Variants in DCLK2 observed in about 807,000 individuals in gnomAD.
DCLK2 encodes the protein doublecortin like kinase 2.
A neutral mutation model predicts 78.4 loss-of-function variants in DCLK2; 31 were observed. The ratio of observed to expected loss-of-function variants is 0.40; its 90% confidence interval spans 0.30 to 0.53. The LOEUF (loss-of-function observed/expected upper bound fraction) is 0.53, where lower values mean the gene tolerates loss of function less well. Ranked by LOEUF, DCLK2 falls within the 20% of genes least tolerant of loss-of-function variation. The pLI, the probability that DCLK2 is intolerant of heterozygous loss-of-function variation, is 0.61. For synonymous variants in DCLK2, 407 were observed against 374.9 expected (o/e 1.09, Z -0.99); for missense variants, 872 against 973.7 (o/e 0.90, Z 1.39).
At chr4:150,254,349 AG>A in intron 15 of DCLK2, 1 of 398,796 alleles carries the variant, frequency 2.5e-6, no homozygotes, top group Non-Finnish European at 4.4e-6. Flanking sequence ...TTCTGTTGAA[AG>A]TAAGTCTAGT....
chr4:150,198,038 C>G lies in DCLK2; in HGVS notation c.896C>G (p.Ser299Ter). The G allele has an allele frequency of 6.2e-7, 1 of 1,613,970 alleles. No individual in the cohort carries two copies. The highest frequency in any genetic ancestry group is 8.5e-7 in the Non-Finnish European group (1 of 1,179,960). The part of the protein sequence containing the change: ...RVLKSSYSRS[S>*]AVKYSGSKSP... The stretch of plus-strand genomic sequence containing the variant: ...CTGAAGTCATCTTATTCTCGATCCT[C>G]AGCTGTTAAGTATTCTGGATCCAAA... Residue 299 changes from serine to a stop codon, truncating the protein, a stop_gained, in exon 4 of 16, where the codon TCA (serine) becomes TGA (stop). Coordinates refer to ENST00000296550, the MANE Select transcript of DCLK2 (RefSeq NM_001040260.4). LOFTEE classifies it high-confidence loss of function.
intron 2 of DCLK2, among the ~76,000 whole-genome samples, chr4:150,106,342 A>T (rs1345847441): frequency 6.6e-6 from 1 of 152,164 alleles, no homozygotes; most frequent in Non-Finnish European, 1.5e-5. Context: ...TTAATAAAAA[A>T]ATTTCTATGG....
At chr4:150,097,797 T>G (rs896686680) in intron 1 of DCLK2, among the ~76,000 whole-genome samples, 1 of 152,142 alleles carries the variant, frequency 6.6e-6, no homozygotes, top group African/African-American at 2.4e-5. Flanking sequence ...CAAAACCCTC[T>G]TTGTATATAG....
At chr4:150,177,075 A>T (rs940863611) in intron 2 of DCLK2, among the ~76,000 whole-genome samples, 2 of 152,196 alleles carry the variant, frequency 1.3e-5, no homozygotes, top group Non-Finnish European at 2.9e-5. Flanking sequence ...CCTTTTATGC[A>T]TTCCCTGTGA....
intron 2 of DCLK2, among the ~76,000 whole-genome samples, chr4:150,156,293 C>T (rs1257669347): frequency 6.6e-6 from 1 of 151,970 alleles, no homozygotes; most frequent in Non-Finnish European, 1.5e-5. Context: ...AGGTGGATTT[C>T]AGACCTCACT....
At chr4:150,240,558 C>T (rs554167511) in intron 12 of DCLK2, 82 bp downstream of exon 12, 35 of 1,021,178 alleles carry the variant, frequency 3.4e-5, no homozygotes, top group Non-Finnish European at 3.6e-5. Flanking sequence ...TCCTGGAAGT[C>T]GGGACTGTTT....
At chr4:150,223,310 T>C (rs180864160) in intron 7 of DCLK2, among the ~76,000 whole-genome samples, 1 of 152,232 alleles carries the variant, frequency 6.6e-6, no homozygotes, top group Non-Finnish European at 1.5e-5. Flanking sequence ...GAGTGTGTAC[T>C]ACAACCACCT....
chr4:150,224,839 G>A (rs754246895), intron 8 of DCLK2, among the ~76,000 whole-genome samples: 3 of 152,158 alleles, frequency 2.0e-5, no homozygotes, highest in Admixed American at 6.5e-5. Flanking sequence ...CAAAAGGTGC[G>A]TCAAGAACTC....
chr4:150,240,957 C>T (rs1221462304), intron 12 of DCLK2, among the ~76,000 whole-genome samples: 1 of 152,136 alleles, frequency 6.6e-6, no homozygotes, highest in Non-Finnish European at 1.5e-5. Context: ...ACAGTGTCTA[C>T]CATGTCCAAT....
intron 2 of DCLK2, among the ~76,000 whole-genome samples, chr4:150,117,788 T>G (rs1463171709): frequency 6.6e-6 from 1 of 152,196 alleles, no homozygotes; most frequent in East Asian, 1.9e-4. Context: ...CACTGCTTTT[T>G]TCAGAGGGTC....
chr4:150,113,170 A>G (rs538121325), intron 2 of DCLK2, among the ~76,000 whole-genome samples: 1 of 152,024 alleles, frequency 6.6e-6, no homozygotes, highest in Non-Finnish European at 1.5e-5. Context: ...GGATTTTTGC[A>G]TCTGTGTTCG....
intron 2 of DCLK2, among the ~76,000 whole-genome samples, chr4:150,149,037 C>CAA (rs11407877): frequency 3.8e-4 from 40 of 104,646 alleles, no homozygotes; most frequent in African/African-American, 1.2e-3. Context: ...CAGACTGTCT[C>CAA]AAAAAAAAAA....
intron 2 of DCLK2, among the ~76,000 whole-genome samples, chr4:150,115,204 A>G (rs1000698316): frequency 1.3e-5 from 2 of 152,118 alleles, no homozygotes; most frequent in African/African-American, 4.8e-5. Context: ...TGTGTTTTTC[A>G]TTTCCAGAAG....
chr4:150,249,948 G>A (rs1341570475), intron 15 of DCLK2, among the ~76,000 whole-genome samples: 1 of 152,142 alleles, frequency 6.6e-6, no homozygotes, highest in Non-Finnish European at 1.5e-5. Context: ...CTGGGCAGCT[G>A]CTTCCACTCT....
chr4:150,150,905 C>G (rs1210767364), intron 2 of DCLK2, among the ~76,000 whole-genome samples: 3 of 152,228 alleles, frequency 2.0e-5, no homozygotes, highest in Admixed American at 6.5e-5. Context: ...TGGACAGGCT[C>G]CTTTCTTCTC....
intron 2 of DCLK2, among the ~76,000 whole-genome samples, chr4:150,180,445 A>G (rs1450411056): frequency 1.3e-5 from 2 of 152,180 alleles, no homozygotes; most frequent in African/African-American, 4.8e-5. Context: ...TATAACACTT[A>G]TGATTTCATT....
At chr4:150,092,544 A>G (rs1260960259) in intron 1 of DCLK2, among the ~76,000 whole-genome samples, 1 of 152,136 alleles carries the variant, frequency 6.6e-6, no homozygotes, top group East Asian at 1.9e-4. Context: ...TTTCCATGAT[A>G]ATTATTGATG....
rs1454035697 is a variant in DCLK2, at chr4:150,175,011, A to AAAAAAAAATATATAT, written c.757-18126_757-18125insAAAAAAATATATATA. Among the ~76,000 whole-genome samples the AAAAAAAAATATATAT allele has an allele frequency of 8.0e-3, 80 of 9,976 alleles. 26 individuals carry two copies. Among genetic ancestry groups the AAAAAAAAATATATAT allele is most frequent in the Non-Finnish European group, 0.017 (71 of 4,166 alleles). The allele number at this position is 9,976 out of a possible 152,430, so 6.5% of individuals were successfully genotyped here. A position where few individuals can be genotyped will look rare whatever the true frequency, so the allele number is the denominator to read the frequency against. On this transcript the variant is annotated intron_variant, in intron 2 of 15. Transcript: ENST00000296550. ...AGACTCCGTCGCAAAAAAAAAAAAA[A>AAAAAAAAATATATAT]ATATATATATATATATATATATTTA...
intron 10 of DCLK2, among the ~76,000 whole-genome samples, chr4:150,236,748 G>C (rs977537120): frequency 6.6e-6 from 1 of 152,176 alleles, no homozygotes. Flanking sequence ...AGACATGTTT[G>C]CTTCTGTGTC....
Sources: allele counts gnomAD v4.1 joint callset (sites outside exome capture counted in the v4.1 genomes callset), GRCh38; gene constraint gnomAD v4.1.1; transcripts MANE v1.5; gene names NCBI Gene and HGNC (gene_info 2026-07-23, HGNC 2026-07-21).